Variants in ANKRD31 observed in about 807,000 individuals in gnomAD.
The protein encoded by ANKRD31 is ankyrin repeat domain 31, also known as ankyrin repeat domain-containing protein 31.
Under a neutral mutation model 186.0 loss-of-function variants are expected in ANKRD31, and 147 were observed. That is an observed-to-expected ratio of 0.79 (90% CI 0.69 to 0.91). The LOEUF is 0.91. ANKRD31 is among the 40% of genes least tolerant of loss of function. The probability of loss-of-function intolerance (pLI) is 0.00; values close to 1 mark genes in which losing one functional copy is unlikely to be tolerated. For synonymous variants in ANKRD31, 673 were observed against 736.4 expected (o/e 0.91, Z 1.39); for missense variants, 1,986 against 2,148.8 (o/e 0.92, Z 1.50).
intron 17 of ANKRD31, among the ~76,000 whole-genome samples, chr5:75,130,667 CA>C (rs753790456): frequency 5.9e-5 from 9 of 152,204 alleles, no homozygotes; most frequent in Non-Finnish European, 1.3e-4. Flanking sequence ...GGTGCATTTA[CA>C]AACCTTTAGC....
chr5:75,131,312 T>C (rs141321411), intron 17 of ANKRD31, among the ~76,000 whole-genome samples: 22 of 151,694 alleles, frequency 1.5e-4, no homozygotes, highest in African/African-American at 5.3e-4. Context: ...GAGCGAGGGT[T>C]GCTAGCACGT....
At chr5:75,220,652 A>T (rs1332041648) in intron 3 of ANKRD31, among the ~76,000 whole-genome samples, 1 of 152,152 alleles carries the variant, frequency 6.6e-6, no homozygotes, top group Non-Finnish European at 1.5e-5. Flanking sequence ...CAAAAAAAAA[A>T]AAAAGTGGGC....
At chr5:75,181,041 A>C (rs905619919) in intron 10 of ANKRD31, among the ~76,000 whole-genome samples, 1 of 152,010 alleles carries the variant, frequency 6.6e-6, no homozygotes, top group African/African-American at 2.4e-5. Context: ...TACAAAAAAA[A>C]AAAACAAGCA....
chr5:75,172,453 G>A (rs546335610), intron 10 of ANKRD31, among the ~76,000 whole-genome samples: 6 of 151,654 alleles, frequency 4.0e-5, no homozygotes, highest in African/African-American at 1.4e-4. Context: ...CCAGGAGCTG[G>A]TTTTTTGAAA....
chr5:75,168,141 G>C (rs1056978759), intron 11 of ANKRD31, among the ~76,000 whole-genome samples: 16 of 152,160 alleles, frequency 1.1e-4, no homozygotes, highest in African/African-American at 3.4e-4. Flanking sequence ...CCCTTCTGAA[G>C]TACTGTTTCA....
Position 75,146,192 on chromosome 5 carries a change from T to G in ANKRD31, c.3219A>C (p.Lys1073Asn). ...TERNYIDRDQ[K>N]IIYSNEPLSI... ...ATAAAGGCTCATTTGAATAAATTAT[T>G]TTTTGGTCTCTGTCAATGTAATTCC... The change falls in exon 14 of 26, where the codon AAA (lysine) becomes AAC (asparagine). Residue 1073 changes from lysine (K) to asparagine (N), a missense_variant. Lys to Asn is a moderately conservative substitution (Grantham distance 94). Transcript: ENST00000506364. 1.3e-6 allele frequency: 2 copies of G among 1,535,808 alleles called. No homozygotes were observed. The highest frequency in any genetic ancestry group is 1.7e-6 in the Non-Finnish European group (2 of 1,146,176).
intron 3 of ANKRD31, among the ~76,000 whole-genome samples, chr5:75,211,509 A>C (rs530214326): frequency 3.5e-4 from 53 of 152,312 alleles, no homozygotes; most frequent in African/African-American, 1.2e-3. Flanking sequence ...ATACAATCAG[A>C]AGTGAAATTG....
intron 15 of ANKRD31, among the ~76,000 whole-genome samples, chr5:75,140,834 A>G (rs1305709662): frequency 2.0e-5 from 3 of 152,154 alleles, no homozygotes; most frequent in Non-Finnish European, 4.4e-5. Context: ...GCCAACAATC[A>G]CATGAGCTTG....
At chr5:75,148,545 T>C in intron 13 of ANKRD31, 31 bp downstream of exon 13, 1 of 1,433,844 alleles carries the variant, frequency 7.0e-7, no homozygotes, top group South Asian at 1.4e-5. Flanking sequence ...TACATCCCTA[T>C]AAAAATGTTT....
intron 24 of ANKRD31, among the ~76,000 whole-genome samples, chr5:75,082,707 C>A (rs1398523474): frequency 6.6e-6 from 1 of 152,124 alleles, no homozygotes; most frequent in African/African-American, 2.4e-5. Flanking sequence ...AAACAACACT[C>A]ATTTTTTCCT....
At position 75,137,939 on chromosome 5, in the gene ANKRD31, A is replaced by G. The variant is rs1750722536; in HGVS notation, c.3793T>C (p.Leu1265=). The G allele has an allele frequency of 3.3e-6, 5 of 1,534,104 alleles. No individual in the cohort carries two copies. Among genetic ancestry groups the G allele is most frequent in the African/African-American group, 1.4e-5 (1 of 72,946 alleles). ...EGSIDIIVEL[L]KAGAKVNCEN... ...CAATTAACCTTAGCACCAGCTTTTA[A>G]TAACTCTACAATTATATCAATAGAT... The change falls in exon 17 of 26, where the codon TTA becomes CTA. Residue 1265 remains leucine, a synonymous_variant. Coordinates refer to ENST00000506364, the MANE Select transcript of ANKRD31 (RefSeq NM_001372053.1).
At chr5:75,199,489 G>A in intron 6 of ANKRD31, 142 bp downstream of exon 6, 1 of 477,490 alleles carries the variant, frequency 2.1e-6, no homozygotes, top group Non-Finnish European at 3.4e-6. Flanking sequence ...GAGGTGATTA[G>A]ACAAGAATAG....
At chr5:75,196,979 C>A (rs1755509601) in intron 6 of ANKRD31, among the ~76,000 whole-genome samples, 1 of 151,884 alleles carries the variant, frequency 6.6e-6, no homozygotes, top group African/African-American at 2.4e-5. Context: ...CAGCTCACTG[C>A]AACCTCTGCC....
At chr5:75,112,460 A>C (rs1580348996) in intron 20 of ANKRD31, 53 bp downstream of exon 20, 1 of 1,219,490 alleles carries the variant, frequency 8.2e-7, no homozygotes. Flanking sequence ...TACCTTAAGA[A>C]GATGACCTTG....
rs1483103357 is a variant in ANKRD31, at chr5:75,236,454, C to CA, written c.104+128dup. 2.2e-4 allele frequency: 161 copies of CA among 720,294 alleles called. 2 individuals are homozygous for CA. Among genetic ancestry groups the CA allele is most frequent in the East Asian group, 5.7e-4 (19 of 33,308 alleles). The allele number at this position is 720,294 out of a possible 1,614,324, so 44.6% of individuals were successfully genotyped here. On this transcript the variant is annotated intron_variant, in intron 1 of 25. Transcript: ENST00000506364. ...TCTCAGCTCAGGCACGGCTGCCCCACAAGGCTCTGATCCTGCCCACAAGCA... is the reference window on the plus strand; with the variant it reads ...TCTCAGCTCAGGCACGGCTGCCCCACAAAGGCTCTGATCCTGCCCACAAGCA...
chr5:75,217,178 A>G (rs1757009930), intron 3 of ANKRD31, among the ~76,000 whole-genome samples: 1 of 152,174 alleles, frequency 6.6e-6, no homozygotes, highest in Admixed American at 6.5e-5. Flanking sequence ...GCCATGTGGC[A>G]ATGAAAAGAA....
chr5:75,104,104 A>G, intron 22 of ANKRD31, 124 bp downstream of exon 22: 4 of 771,360 alleles, frequency 5.2e-6, no homozygotes, highest in Non-Finnish European at 7.8e-6. Context: ...GTGTCCCTCC[A>G]TTCAGGAAGC....
intron 3 of ANKRD31, among the ~76,000 whole-genome samples, chr5:75,217,069 T>C (rs1181095153): frequency 6.6e-6 from 1 of 152,206 alleles, no homozygotes; most frequent in African/African-American, 2.4e-5. Flanking sequence ...TCTATTTTTA[T>C]TGAGCTGTGG....
chr5:75,077,391 G>C (rs193291055), intron 25 of ANKRD31, among the ~76,000 whole-genome samples: 2 of 152,192 alleles, frequency 1.3e-5, no homozygotes, highest in Admixed American at 6.5e-5. Flanking sequence ...ATGTGATATA[G>C]ATTTACATTA....
Sources: gnomAD v4.1 joint callset for allele counts (sites outside exome capture counted in the v4.1 genomes callset) on GRCh38, gnomAD v4.1.1 for gene constraint, MANE v1.5 for transcripts, NCBI Gene and HGNC (gene_info 2026-07-23, HGNC 2026-07-21) for gene names.